INTS15: variants seen among roughly 807,000 people sequenced by gnomAD.
The protein encoded by INTS15 is integrator complex subunit 15.
At chr7:6,591,637 CT>C in the INTS15 span, 1 of 1,612,498 alleles carries the variant, frequency 6.2e-7, no homozygotes, top group Non-Finnish European at 8.5e-7. Context: ...TCCGGGATTT[CT>C]TTTGCAGAGA....
the INTS15 span, among the ~76,000 whole-genome samples, chr7:6,598,352 C>A: frequency 6.6e-6 from 1 of 151,878 alleles, no homozygotes; most frequent in Non-Finnish European, 1.5e-5. Flanking sequence ...GCCTATAGTC[C>A]CAGCTACTCG....
At chr7:6,590,323 C>A in the INTS15 span, 14 of 1,592,912 alleles carry the variant, frequency 8.8e-6, no homozygotes, top group Non-Finnish European at 1.1e-5. Context: ...CCGCGATGCG[C>A]TGAGCGCCGC....
At chr7:6,599,224 A>T in the INTS15 span, among the ~76,000 whole-genome samples, 1 of 152,222 alleles carries the variant, frequency 6.6e-6, no homozygotes, top group African/African-American at 2.4e-5. Context: ...TGCCGGGCTC[A>T]TAGGAAGCCC....
At chr7:6,601,107 C>T in the INTS15 span, among the ~76,000 whole-genome samples, 1 of 151,990 alleles carries the variant, frequency 6.6e-6, no homozygotes, top group East Asian at 1.9e-4. Flanking sequence ...GCTGGGACTA[C>T]AAGTGTGTAC....
chr7:6,599,748 G>A, the INTS15 span: 1 of 1,396,392 alleles, frequency 7.2e-7, no homozygotes, highest in Non-Finnish European at 9.9e-7. Context: ...ATGGGCCTTG[G>A]GGTCAGGCTT....
chr7:6,593,509 T>C, the INTS15 span, among the ~76,000 whole-genome samples: 7 of 151,924 alleles, frequency 4.6e-5, no homozygotes, highest in Non-Finnish European at 1.0e-4. Context: ...AATTTTTTTG[T>C]ATTTTTAGTA....
chr7:6,606,341 A>T, the INTS15 span, among the ~76,000 whole-genome samples: 1 of 152,134 alleles, frequency 6.6e-6, no homozygotes, highest in Non-Finnish European at 1.5e-5. Context: ...TTGGGGGTTC[A>T]GTCTGTGACA....
the INTS15 span, among the ~76,000 whole-genome samples, chr7:6,595,541 C>G: frequency 6.6e-6 from 1 of 152,136 alleles, no homozygotes; most frequent in African/African-American, 2.4e-5. Context: ...TAAGAGGGAA[C>G]TATTAGTGAT....
the INTS15 span, chr7:6,590,224 A>G: frequency 1.5e-6 from 2 of 1,359,510 alleles, no homozygotes; most frequent in African/African-American, 1.5e-5. Flanking sequence ...GTAGCGGCGC[A>G]GTCCCGGGCC....
At chr7:6,602,749 TC>T in the INTS15 span, 1 of 471,126 alleles carries the variant, frequency 2.1e-6, no homozygotes, top group Non-Finnish European at 4.4e-6. Context: ...AACGCAGTCA[TC>T]AGGTGAAAAG....
At chr7:6,605,696 ATTTCT>A in the INTS15 span, among the ~76,000 whole-genome samples, 112 of 151,528 alleles carry the variant, frequency 7.4e-4, no homozygotes, top group African/African-American at 2.5e-3. Flanking sequence ...TACCTCCTAC[ATTTCT>A]TTTCTTTTCT....
the INTS15 span, chr7:6,599,733 G>C: frequency 6.5e-6 from 8 of 1,228,228 alleles, no homozygotes; most frequent in Admixed American, 2.1e-5. Flanking sequence ...CAGGTGGGCA[G>C]TGCCATGGGC....
the INTS15 span, chr7:6,600,055 C>G: frequency 6.2e-7 from 1 of 1,614,236 alleles, no homozygotes; most frequent in Non-Finnish European, 8.5e-7. Context: ...ATGTCAGCAA[C>G]AAGGTCACAA....
chr7:6,607,483 T>C, the INTS15 span: 1 of 1,274,056 alleles, frequency 7.8e-7, no homozygotes, highest in African/African-American at 1.5e-5. The surrounding 1 kb of genome is among the most constrained non-coding windows in gnomAD (Gnocchi z 6.0). Context: ...AACGGCTGGG[T>C]CCAGGCCTGG....
At chr7:6,606,090 G>A in the INTS15 span, among the ~76,000 whole-genome samples, 4 of 152,190 alleles carry the variant, frequency 2.6e-5, no homozygotes, top group African/African-American at 9.7e-5. Context: ...GGCAGGGTGT[G>A]TACAGGTTCA....
At chr7:6,606,270 C>G in the INTS15 span, among the ~76,000 whole-genome samples, 1 of 152,218 alleles carries the variant, frequency 6.6e-6, no homozygotes, top group Non-Finnish European at 1.5e-5. Context: ...TCCACATACC[C>G]TCTGTTTACT....
At chr7:6,607,303 G>C in the INTS15 span, among the ~76,000 whole-genome samples, 1 of 152,032 alleles carries the variant, frequency 6.6e-6, no homozygotes, top group Admixed American at 6.6e-5. The surrounding 1 kb of genome is among the most constrained non-coding windows in gnomAD (Gnocchi z 6.0). Context: ...AGGCCTCTGG[G>C]GCCCGGAGGC....
the INTS15 span, chr7:6,607,877 C>T: frequency 2.9e-5 from 45 of 1,560,448 alleles, no homozygotes; most frequent in South Asian, 5.0e-4. This position sits in a 1 kb window ranked among gnomAD's most constrained non-coding sequence, Gnocchi z 6.0. Flanking sequence ...GGGCGGGGTG[C>T]GGGGGGACGG....
At chr7:6,597,584 C>G in the INTS15 span, among the ~76,000 whole-genome samples, 1 of 152,226 alleles carries the variant, frequency 6.6e-6, no homozygotes, top group African/African-American at 2.4e-5. Context: ...CATGAGCCAC[C>G]ACACCCGACC....
Sources: gnomAD v4.1 joint callset for allele counts (sites outside exome capture counted in the v4.1 genomes callset) on GRCh38, gnomAD v4.1.1 for gene constraint, Gnocchi (gnomAD v3.1) non-coding constraint, MANE v1.5 for transcripts, NCBI Gene and HGNC (gene_info 2026-07-23, HGNC 2026-07-21) for gene names.